Variants in DNAJC1 observed in about 807,000 individuals in gnomAD.
DNAJC1 encodes the protein dnaJ homolog subfamily C member 1.
In DNAJC1, 58 loss-of-function variants were observed where a neutral mutation model predicts 76.6. The observed-to-expected ratio is 0.76, with a 90% CI of 0.61 to 0.94. DNAJC1 has a LOEUF of 0.94. DNAJC1 is among the 40% of genes least tolerant of loss of function. The pLI is 0.00. For synonymous variants in DNAJC1, 258 were observed against 267.9 expected (o/e 0.96, Z 0.36); for missense variants, 689 against 677.3 (o/e 1.02, Z -0.19).
At chr10:21,878,758 T>C (rs963448841) in intron 8 of DNAJC1, among the ~76,000 whole-genome samples, 1 of 152,086 alleles carries the variant, frequency 6.6e-6, no homozygotes, top group African/African-American at 2.4e-5. Flanking sequence ...TTTTCAAGGA[T>C]CAACTGTATT....
At chr10:21,957,401 T>A (rs985716482) in intron 1 of DNAJC1, among the ~76,000 whole-genome samples, 1 of 152,216 alleles carries the variant, frequency 6.6e-6, no homozygotes, top group Admixed American at 6.5e-5. Context: ...AAATAAATTG[T>A]ACATATTATA....
At chr10:21,956,116 GCCCACTTCT>G (rs1837677287) in intron 1 of DNAJC1, among the ~76,000 whole-genome samples, 1 of 152,084 alleles carries the variant, frequency 6.6e-6, no homozygotes, top group Non-Finnish European at 1.5e-5. Flanking sequence ...AAGTCAAAGG[GCCCACTTCT>G]GGCAAGAGCC....
At position 21,851,360 on chromosome 10, in the gene DNAJC1, GAA is replaced by G. The variant is rs536443346; in HGVS notation, c.978+30920_978+30921del. Among the ~76,000 whole-genome samples, 48 of 152,266 alleles carry G rather than the reference GAA, an allele frequency of 3.2e-4. No homozygotes were observed. The East Asian group carries it at 8.9e-3, about 28-fold the overall frequency. The stretch of plus-strand genomic sequence containing the variant: ...CACAACAAATGGCCAAAAAACATGT[GAA>G]AAGATTCTCAACATCATTACTCACT... On this transcript the variant is annotated intron_variant, in intron 8 of 11. Coordinates refer to ENST00000376980, the MANE Select transcript of DNAJC1 (RefSeq NM_022365.4).
At chr10:21,868,811 G>A (rs1836053536) in intron 8 of DNAJC1, among the ~76,000 whole-genome samples, 1 of 151,918 alleles carries the variant, frequency 6.6e-6, no homozygotes, top group African/African-American at 2.4e-5. Flanking sequence ...AGGCCATGAT[G>A]GGAAGGGAAG....
intron 9 of DNAJC1, among the ~76,000 whole-genome samples, chr10:21,786,423 T>G (rs1834607657): frequency 8.4e-6 from 1 of 119,134 alleles, no homozygotes; most frequent in African/African-American, 3.3e-5. Context: ...GATTTTAAAA[T>G]GGGAATATAT....
intron 7 of DNAJC1, among the ~76,000 whole-genome samples, chr10:21,893,849 A>G (rs1034851750): frequency 6.6e-6 from 1 of 151,994 alleles, no homozygotes; most frequent in Non-Finnish European, 1.5e-5. Context: ...ATGAAATTGA[A>G]AACAAAAACC....
intron 1 of DNAJC1, among the ~76,000 whole-genome samples, chr10:21,973,596 T>C (rs1475975062): frequency 1.3e-5 from 2 of 152,142 alleles, no homozygotes; most frequent in Non-Finnish European, 2.9e-5. Flanking sequence ...TCCTCAAATA[T>C]GCAGTTGTAC....
At chr10:21,786,463 T>TATATAG (rs1332368009) in intron 9 of DNAJC1, among the ~76,000 whole-genome samples, 3 of 23,420 alleles carry the variant, frequency 1.3e-4, no homozygotes, top group Admixed American at 7.2e-4. Flanking sequence ...TATATATATA[T>TATATAG]AGAGAGAGAG....
chr10:21,759,668 GAGACGGTGAGAACAGCAGC>G, intron 10 of DNAJC1, 50 bp from the exon 11 acceptor site: 3 of 1,563,254 alleles, frequency 1.9e-6, no homozygotes. Context: ...GTGAATTAAG[GAGACGGTGAGAACAGCAGC>G]TGCCGGGCAC....
chr10:21,845,440 C>T (rs544491762), intron 8 of DNAJC1, among the ~76,000 whole-genome samples: 25 of 149,742 alleles, frequency 1.7e-4, no homozygotes, highest in Non-Finnish European at 3.1e-4. Flanking sequence ...CTGCAACCTC[C>T]GCCTCCAGGG....
chr10:21,920,704 A>G, intron 4 of DNAJC1, 94 bp downstream of exon 4: 1 of 1,238,168 alleles, frequency 8.1e-7, no homozygotes, highest in Non-Finnish European at 1.1e-6. Flanking sequence ...GTATACAGAG[A>G]GAAACAGAAA....
intron 1 of DNAJC1, among the ~76,000 whole-genome samples, chr10:21,961,813 C>T (rs1837796685): frequency 6.6e-6 from 1 of 152,128 alleles, no homozygotes; most frequent in Admixed American, 6.6e-5. Context: ...TTTTAAATGG[C>T]ATCTGAAGTC....
intron 7 of DNAJC1, among the ~76,000 whole-genome samples, chr10:21,896,737 G>C (rs1262004777): frequency 2.0e-5 from 3 of 148,204 alleles, no homozygotes; most frequent in Admixed American, 6.6e-5. Context: ...ATTTTGGAAG[G>C]GGGGGGTTCA....
intron 9 of DNAJC1, among the ~76,000 whole-genome samples, chr10:21,802,943 A>G (rs1240368095): frequency 2.0e-5 from 3 of 152,128 alleles, no homozygotes; most frequent in Non-Finnish European, 4.4e-5. Flanking sequence ...CAACATTTAA[A>G]ATATTTAATC....
chr10:21,861,814 A>G lies in DNAJC1; in HGVS notation c.978+20468T>C, dbSNP rs536277770. ...ATGAATAATCCACCCCTTGTTTAGC[A>G]TATCATCAAGAAATAACCATAAAAA... On this transcript the variant is annotated intron_variant, in intron 8 of 11. Transcript: ENST00000376980. Among the ~76,000 whole-genome samples, 9 of 152,322 alleles carry G rather than the reference A, an allele frequency of 5.9e-5. 1 individual carries two copies. Among genetic ancestry groups the G allele is most frequent in the East Asian group, 1.9e-4 (1 of 5,188 alleles).
intron 9 of DNAJC1, among the ~76,000 whole-genome samples, chr10:21,787,063 C>G (rs1004334572): frequency 3.3e-5 from 5 of 152,042 alleles, no homozygotes; most frequent in Non-Finnish European, 7.4e-5. Flanking sequence ...TGTGGTAGTT[C>G]ACGCCTGTAA....
At chr10:21,996,703 TAAAAC>T (rs1467184720) in intron 1 of DNAJC1, among the ~76,000 whole-genome samples, 3 of 152,046 alleles carry the variant, frequency 2.0e-5, no homozygotes, top group Admixed American at 6.6e-5. Context: ...AAAGGAAACT[TAAAAC>T]TAAAAGAAAG....
intron 8 of DNAJC1, among the ~76,000 whole-genome samples, chr10:21,843,842 C>A (rs940804491): frequency 1.8e-4 from 27 of 151,644 alleles, no homozygotes; most frequent in Non-Finnish European, 1.0e-4. Flanking sequence ...TGGGTTCATG[C>A]AATTCTTGTG....
At chr10:21,984,363 T>C (rs1161224647) in intron 1 of DNAJC1, among the ~76,000 whole-genome samples, 1 of 152,218 alleles carries the variant, frequency 6.6e-6, no homozygotes, top group Non-Finnish European at 1.5e-5. Context: ...CCCAGGCCAC[T>C]ACTATGTCTC....
Sources: gnomAD v4.1 joint callset for allele counts (sites outside exome capture counted in the v4.1 genomes callset) on GRCh38, gnomAD v4.1.1 for gene constraint, MANE v1.5 for transcripts, NCBI Gene and HGNC (gene_info 2026-07-23, HGNC 2026-07-21) for gene names.